Variants in DPP4 observed in about 807,000 individuals in gnomAD.
DPP4 encodes the protein dipeptidyl peptidase 4.
DPP4 carries 93 observed loss-of-function variants against 122.4 expected under a neutral mutation model. That is an observed-to-expected ratio of 0.76 (90% CI 0.64 to 0.90). DPP4 has a LOEUF of 0.90. Among genes scored for constraint, DPP4 ranks in the 40% least tolerant of loss-of-function variants. The pLI is 0.00. For missense variants in DPP4, 914 were observed against 907.3 expected, an observed-to-expected ratio of 1.01 and a Z score of -0.09; for synonymous variants, 321 against 302.9, an observed-to-expected ratio of 1.06 and a Z score of -0.62.
chr2:162,027,225 C>A (rs1290911951), intron 10 of DPP4, among the ~76,000 whole-genome samples: 3 of 152,016 alleles, frequency 2.0e-5, no homozygotes, highest in Admixed American at 2.0e-4. Context: ...GTGGCACACA[C>A]CTGTAATCCC....
intron 10 of DPP4, among the ~76,000 whole-genome samples, chr2:162,029,868 T>C (rs926315845): frequency 2.0e-5 from 3 of 152,186 alleles, no homozygotes; most frequent in African/African-American, 4.8e-5. Context: ...CAAGGTCATT[T>C]TGAAGTCTAT....
At chr2:162,032,585 A>G (rs1012495950) in intron 10 of DPP4, among the ~76,000 whole-genome samples, 1 of 152,102 alleles carries the variant, frequency 6.6e-6, no homozygotes, top group Non-Finnish European at 1.5e-5. Context: ...AGGCTGAGGC[A>G]GGAGAATCGC....
At chr2:161,999,985 G>A (rs1374221958) in intron 23 of DPP4, among the ~76,000 whole-genome samples, 2 of 152,144 alleles carry the variant, frequency 1.3e-5, no homozygotes, top group Non-Finnish European at 2.9e-5. Context: ...CTGCTGGTAA[G>A]TGGTTGAAAC....
At chr2:162,044,457 T>G (rs1013885654) in intron 5 of DPP4, among the ~76,000 whole-genome samples, 1 of 150,852 alleles carries the variant, frequency 6.6e-6, no homozygotes, top group Non-Finnish European at 1.5e-5. Context: ...AGCGTTGGTG[T>G]GTGAGTGTTG....
chr2:162,054,217 A>C (rs943075920), intron 2 of DPP4, among the ~76,000 whole-genome samples: 2 of 152,240 alleles, frequency 1.3e-5, no homozygotes, highest in African/African-American at 4.8e-5. Flanking sequence ...GAATGGAAAT[A>C]TCTATCCTAG....
chr2:162,058,861 T>G (rs1684664817), intron 2 of DPP4, among the ~76,000 whole-genome samples: 1 of 152,208 alleles, frequency 6.6e-6, no homozygotes, highest in African/African-American at 2.4e-5. Context: ...TTTGACAATC[T>G]CATCTGGACA....
At chr2:162,050,640 C>A (rs954872745) in intron 2 of DPP4, among the ~76,000 whole-genome samples, 20 of 152,198 alleles carry the variant, frequency 1.3e-4, no homozygotes, top group African/African-American at 1.9e-4. Context: ...AAGAGAAGAG[C>A]GGCTAAATTG....
At chr2:162,043,650 A>G (rs566928614) in intron 5 of DPP4, among the ~76,000 whole-genome samples, 69 of 152,302 alleles carry the variant, frequency 4.5e-4, no homozygotes, top group African/African-American at 1.6e-3. Context: ...CCTTACCTTC[A>G]TATGTTAGTC....
chr2:162,023,677 A>C (rs1165926731), intron 11 of DPP4, among the ~76,000 whole-genome samples: 1 of 152,102 alleles, frequency 6.6e-6, no homozygotes. Flanking sequence ...TTTGCACTCT[A>C]TTCCCTCTGT....
chr2:162,065,659 A>G (rs1362436401), intron 2 of DPP4, among the ~76,000 whole-genome samples: 2 of 152,160 alleles, frequency 1.3e-5, no homozygotes, highest in East Asian at 1.9e-4. Context: ...CATGCCTCAG[A>G]GCCAGTTTGG....
At chr2:162,046,742 G>A (rs1313066908) in intron 4 of DPP4, 173 bp downstream of exon 4, 4 of 673,356 alleles carry the variant, frequency 5.9e-6, no homozygotes, top group Non-Finnish European at 1.1e-5. Context: ...CGTCAAAGGA[G>A]ACTAAAAAGT....
intron 5 of DPP4, among the ~76,000 whole-genome samples, chr2:162,040,299 G>A (rs777217594): frequency 6.0e-4 from 92 of 152,076 alleles, no homozygotes; most frequent in Admixed American, 3.9e-4. Context: ...AAACTGGGAG[G>A]CAACTAAGAT....
At chr2:162,046,625 T>G (rs534485387) in intron 4 of DPP4, 19 of 501,344 alleles carry the variant, frequency 3.8e-5, no homozygotes, top group South Asian at 3.0e-4. Flanking sequence ...GCTGTGGGGT[T>G]GCATGAAATT....
At chr2:162,025,068 T>A in intron 10 of DPP4, 129 bp from the exon 11 acceptor site, 2 of 977,464 alleles carry the variant, frequency 2.0e-6, no homozygotes, top group South Asian at 1.8e-5. Context: ...TTATAAATGG[T>A]TAATGAAACC....
intron 10 of DPP4, among the ~76,000 whole-genome samples, chr2:162,028,828 A>G (rs1438701550): frequency 2.6e-5 from 4 of 152,234 alleles, no homozygotes; most frequent in African/African-American, 9.6e-5. Context: ...CTGCAGACAA[A>G]GAAACTTAAC....
chr2:162,068,449 C>A (rs1389227231), intron 2 of DPP4, among the ~76,000 whole-genome samples: 3 of 152,134 alleles, frequency 2.0e-5, no homozygotes, highest in Non-Finnish European at 4.4e-5. Flanking sequence ...CTTTGATAGT[C>A]ATTGGAGCCA....
At chr2:162,001,753 T>C (rs1366225865) in intron 23 of DPP4, among the ~76,000 whole-genome samples, 1 of 152,166 alleles carries the variant, frequency 6.6e-6, no homozygotes, top group East Asian at 1.9e-4. Flanking sequence ...CCTCTTTGGA[T>C]CTGATTCCTT....
chr2:162,067,911 G>A (rs1310273493), intron 2 of DPP4, among the ~76,000 whole-genome samples: 1 of 152,182 alleles, frequency 6.6e-6, no homozygotes, highest in East Asian at 1.9e-4. Flanking sequence ...CAGGCTCAGG[G>A]AAGGTTGGTA....
chr2:162,020,789 T>C (rs1683098078), intron 12 of DPP4, 101 bp from the exon 13 acceptor site: 1 of 656,104 alleles, frequency 1.5e-6, no homozygotes. Flanking sequence ...CGCTCAAAAA[T>C]CCATGCTCCA....
Sources: gnomAD v4.1 joint callset for allele counts (sites outside exome capture counted in the v4.1 genomes callset) on GRCh38, gnomAD v4.1.1 for gene constraint, MANE v1.5 for transcripts, NCBI Gene and HGNC (gene_info 2026-07-23, HGNC 2026-07-21) for gene names.